The following TNFRSF11A variants were observed in gnomAD, a reference collection of about 807,000 sequenced individuals.
TNFRSF11A encodes the protein tumor necrosis factor receptor superfamily member 11A.
Under a neutral mutation model 55.7 loss-of-function variants are expected in TNFRSF11A, and 32 were observed. The ratio of observed to expected loss-of-function variants is 0.57; its 90% CI spans 0.43 to 0.77. TNFRSF11A has a LOEUF of 0.77. Ranked by LOEUF, TNFRSF11A falls within the 30% of genes least tolerant of loss-of-function variation. TNFRSF11A has a pLI of 0.00. For synonymous variants in TNFRSF11A, 311 were observed against 331.0 expected, an observed-to-expected ratio of 0.94 and a Z score of 0.65; for missense variants, 753 against 809.8, an observed-to-expected ratio of 0.93 and a Z score of 0.85.
intron 7 of TNFRSF11A, among the ~76,000 whole-genome samples, chr18:62,365,870 T>G (rs1910047206): frequency 6.6e-6 from 1 of 152,172 alleles, no homozygotes; most frequent in Non-Finnish European, 1.5e-5. Context: ...TAGGTTGGAG[T>G]GCAGTGGCAC....
intron 1 of TNFRSF11A, among the ~76,000 whole-genome samples, chr18:62,339,933 G>T (rs543890390): frequency 6.6e-6 from 1 of 152,216 alleles, no homozygotes; most frequent in African/African-American, 2.4e-5. Context: ...AAGCTGACCA[G>T]CTGTGATGAG....
chr18:62,347,840 G>T (rs1273625132), intron 1 of TNFRSF11A, among the ~76,000 whole-genome samples: 1 of 151,778 alleles, frequency 6.6e-6, no homozygotes, highest in Non-Finnish European at 1.5e-5. Context: ...GAAAGCAGAG[G>T]TTGCAGTGAG....
Position 62,385,250 on chromosome 18 carries a change from C to T in TNFRSF11A, c.*216C>T. The T allele has an allele frequency of 8.4e-6, 4 of 476,068 alleles. No homozygotes were observed. The highest frequency in any genetic ancestry group is 1.4e-5 in the Non-Finnish European group (4 of 283,912). 29.5% of individuals were successfully genotyped at this position (476,068 alleles called of 1,614,324 possible). A position where few individuals can be genotyped will look rare whatever the true frequency, so the allele number is the denominator to read the frequency against. Reference sequence around the variant, plus strand: ...TGCCCACGGATGCTCAGCAGCCCGCCGCACTGGGGCAGATGTCTCCCCTGC... The same window carrying T: ...TGCCCACGGATGCTCAGCAGCCCGCTGCACTGGGGCAGATGTCTCCCCTGC... On this transcript the variant is annotated 3_prime_UTR_variant, in exon 10 of 10. Transcript: ENST00000586569.
At chr18:62,384,720 C>T (rs1437762030) in intron 9 of TNFRSF11A, 31 bp from the exon 10 acceptor site, 2 of 1,607,024 alleles carry the variant, frequency 1.2e-6, no homozygotes, top group African/African-American at 1.3e-5. Context: ...CTGACTCACC[C>T]TCCCCGTGTT....
At chr18:62,373,622 G>A (rs1236488750) in intron 9 of TNFRSF11A, among the ~76,000 whole-genome samples, 1 of 152,128 alleles carries the variant, frequency 6.6e-6, no homozygotes, top group Non-Finnish European at 1.5e-5. Context: ...GTCACTCTCA[G>A]CCTCCTAGTT....
intron 9 of TNFRSF11A, among the ~76,000 whole-genome samples, chr18:62,384,387 C>T (rs1911519609): frequency 7.0e-6 from 1 of 143,158 alleles, no homozygotes; most frequent in African/African-American, 2.6e-5. Context: ...TCTTCCTCCC[C>T]TCCTCCTCCC....
intron 1 of TNFRSF11A, among the ~76,000 whole-genome samples, chr18:62,346,920 A>G (rs1449232934): frequency 6.6e-6 from 1 of 152,180 alleles, no homozygotes; most frequent in Non-Finnish European, 1.5e-5. Flanking sequence ...ACTGCCTCCC[A>G]AGAGCTGTTT....
rs1911810199 is a variant in TNFRSF11A at position 62,387,389 on chromosome 18, G to A, written c.*2355G>A. 1 of 152,302 alleles carries A rather than the reference G, an allele frequency of 6.6e-6. No individual in the cohort carries two copies. Among genetic ancestry groups the A allele is most frequent in the East Asian group, 1.9e-4 (1 of 5,182 alleles). 9.4% of individuals were successfully genotyped at this position (152,302 alleles called of 1,614,324 possible). A position where few individuals can be genotyped will look rare whatever the true frequency, so the allele number is the denominator to read the frequency against. ...GTTATTAGGGGGAACATGATAAAGA[G>A]ATTATATTAAGCTTATGTTTCACCA... On this transcript the variant is annotated 3_prime_UTR_variant, in exon 10 of 10. Transcript: ENST00000586569.
In TNFRSF11A at chr18:62,368,826, T is replaced by A; in HGVS notation, c.909T>A (p.Asp303Glu). 1 of 1,614,224 alleles carries A rather than the reference T, an allele frequency of 6.2e-7. No individual in the cohort carries two copies. The highest frequency in any genetic ancestry group is 8.5e-7 in the Non-Finnish European group (1 of 1,180,036). Residue 303 changes from aspartate to glutamate, a missense_variant, in exon 9 of 10, where the codon GAT (aspartate) becomes GAA (glutamate). Transcript: ENST00000586569. ...TTCCAGAAGATATGTGCTACCCAGA[T>A]CAAGGTGGTGTCTGTCAGGGCACAT... Reference protein sequence around the residue: ...KTFPEDMCYPDQGGVCQGTCV... With the variant: ...KTFPEDMCYPEQGGVCQGTCV...
intron 9 of TNFRSF11A, chr18:62,373,840 C>G (rs1910719305): frequency 6.6e-6 from 1 of 152,402 alleles, no homozygotes; most frequent in African/African-American, 2.4e-5. Flanking sequence ...CCTCATCCTC[C>G]TCTGTCCTCA....
rs1279772891 is a variant in TNFRSF11A, at chr18:62,389,329, G to T, written c.*4295G>T. The T allele has an allele frequency of 6.6e-6, 1 of 152,348 alleles. No homozygotes were observed. The highest frequency in any genetic ancestry group is 1.5e-5 in the Non-Finnish European group (1 of 68,186). The allele number at this position is 152,348 out of a possible 1,614,324, so 9.4% of individuals were successfully genotyped here. On this transcript the variant is annotated 3_prime_UTR_variant, in exon 10 of 10. Transcript: ENST00000586569. ...TAAAGCTTTGCCAGAGAAGAGGAGG[G>T]ACCTGACACTGGGCAGTGGCGGTGC...
intron 1 of TNFRSF11A, among the ~76,000 whole-genome samples, chr18:62,338,812 T>C (rs2046271072): frequency 6.6e-6 from 1 of 152,188 alleles, no homozygotes; most frequent in Non-Finnish European, 1.5e-5. Context: ...TTTGTATCTA[T>C]TTTCCACAAT....
Position 62,390,458 on chromosome 18 carries a change from C to G in TNFRSF11A, c.*5424C>G, listed in dbSNP as rs940114817. ...TCATGGTATTCCTGGTGCCTCTCCC[C>G]GTTTGGGAAGAATAACACATTGACC... On this transcript the variant is annotated 3_prime_UTR_variant, in exon 10 of 10. Coordinates refer to ENST00000586569, the MANE Select transcript of TNFRSF11A (RefSeq NM_003839.4). 6.6e-6 allele frequency: 1 copy of G among 152,208 alleles called. No homozygotes were observed. Among genetic ancestry groups the G allele is most frequent in the African/African-American group, 2.4e-5 (1 of 41,432 alleles). The allele number at this position is 152,208 out of a possible 1,614,324, so 9.4% of individuals were successfully genotyped here. A position where few individuals can be genotyped will look rare whatever the true frequency, so the allele number is the denominator to read the frequency against.
rs1201317264 is a variant in TNFRSF11A at position 62,385,687 on chromosome 18, A to G, written c.*653A>G. 2 of 96,136 alleles carry G rather than the reference A, an allele frequency of 2.1e-5. No individual in the cohort carries two copies. Among genetic ancestry groups the G allele is most frequent in the Non-Finnish European group, 4.5e-5 (2 of 44,900 alleles). The allele number at this position is 96,136 out of a possible 1,614,324, so 6.0% of individuals were successfully genotyped here. A position where few individuals can be genotyped will look rare whatever the true frequency, so the allele number is the denominator to read the frequency against. ...CCCCCCCCAGAGACACGGTCCCACC[A>G]TGTTACCCAGCCTGGTCTCAAACTC... On this transcript the variant is annotated 3_prime_UTR_variant, in exon 10 of 10. Transcript: ENST00000586569.
intron 1 of TNFRSF11A, among the ~76,000 whole-genome samples, chr18:62,337,943 T>C (rs1469970697): frequency 6.6e-6 from 1 of 152,174 alleles, no homozygotes; most frequent in East Asian, 1.9e-4. Context: ...AGCAGCTAAA[T>C]CAAATCCTGT....
chr18:62,364,780 AC>A (rs1011916012), intron 7 of TNFRSF11A, among the ~76,000 whole-genome samples: 7 of 152,168 alleles, frequency 4.6e-5, no homozygotes, highest in African/African-American at 1.7e-4. Flanking sequence ...TTTTGCGTGT[AC>A]TACGTACATC....
chr18:62,325,367 C>CCGG lies in TNFRSF11A; in HGVS notation c.21_23dup (p.Arg9dup). 9.6e-7 allele frequency: 1 copy of CCGG among 1,041,422 alleles called. No individual in the cohort carries two copies. The highest frequency in any genetic ancestry group is 1.1e-6 in the Non-Finnish European group (1 of 870,058). The allele number at this position is 1,041,422 out of a possible 1,614,324, so 64.5% of individuals were successfully genotyped here. A position where few individuals can be genotyped will look rare whatever the true frequency, so the allele number is the denominator to read the frequency against. ...TGTCCCGCGCCATGGCCCCGCGCGC[C>CCGG]CGGCGGCGCCGCCCGCTGTTCGCGC... On this transcript the variant is annotated inframe_insertion, in exon 1 of 10. Transcript: ENST00000586569. The surrounding 1 kb of genome is among the most constrained non-coding windows in gnomAD (Gnocchi z 4.7).
chr18:62,368,018 T>C (rs1228380508), intron 8 of TNFRSF11A, among the ~76,000 whole-genome samples: 11 of 152,152 alleles, frequency 7.2e-5, no homozygotes, highest in Non-Finnish European at 1.3e-4. Context: ...GGTCTTGAAC[T>C]CCTGAACTCA....
In TNFRSF11A at chr18:62,361,984, T is replaced by C. The variant is rs34256674; in HGVS notation, c.730+191T>C. ...AACTTGAAAAAGCCAATATCCTGCC[T>C]AGTTGTATATAAGGGAACAGGAATA... On this transcript the variant is annotated intron_variant, in intron 7 of 9. Coordinates refer to ENST00000586569, the MANE Select transcript of TNFRSF11A (RefSeq NM_003839.4). Among the ~76,000 whole-genome samples, 86,640 of 152,038 alleles carry C rather than the reference T, an allele frequency of 0.57. 25,739 individuals carry two copies. Among genetic ancestry groups the C allele is most frequent in the African/African-American group, 0.72 (29,926 of 41,448 alleles).
Sources: gnomAD v4.1 joint callset for allele counts (sites outside exome capture counted in the v4.1 genomes callset) on GRCh38, gnomAD v4.1.1 for gene constraint, Gnocchi (gnomAD v3.1) non-coding constraint, MANE v1.5 for transcripts, NCBI Gene and HGNC (gene_info 2026-07-23, HGNC 2026-07-21) for gene names.